Variants in SLC44A5 observed in about 807,000 individuals in gnomAD.
The protein encoded by SLC44A5 is choline transporter-like protein 5.
In SLC44A5, 57 loss-of-function variants were observed where a neutral mutation model predicts 101.8. The ratio of observed to expected loss-of-function variants is 0.56; its 90% CI spans 0.45 to 0.70. The LOEUF (loss-of-function observed/expected upper bound fraction) is 0.70, where lower values mean the gene tolerates loss of function less well. SLC44A5 is among the 30% of genes least tolerant of loss of function. The pLI is 0.00. For missense variants in SLC44A5, 737 were observed against 853.1 expected (o/e 0.86, Z 1.70); for synonymous variants, 281 against 290.9 (o/e 0.97, Z 0.35).
chr1:75,667,564 A>G, the SLC44A5 span, among the ~76,000 whole-genome samples: 1 of 152,204 alleles, frequency 6.6e-6, no homozygotes, highest in African/African-American at 2.4e-5. Flanking sequence ...TCTTCACAGA[A>G]TTGGAAAAAA....
chr1:75,503,117 T>C (rs1275658225), intron 2 of SLC44A5, among the ~76,000 whole-genome samples: 2 of 152,322 alleles, frequency 1.3e-5, no homozygotes, highest in South Asian at 2.1e-4. Flanking sequence ...TTTACAAAAA[T>C]ACACAGATAT....
the SLC44A5 span, among the ~76,000 whole-genome samples, chr1:75,620,693 T>G: frequency 9.2e-5 from 14 of 152,338 alleles, no homozygotes; most frequent in Middle Eastern, 6.8e-3. Context: ...TTTTTTCTTG[T>G]AGATTTATTT....
intron 3 of SLC44A5, among the ~76,000 whole-genome samples, chr1:75,346,811 A>G (rs2101054558): frequency 6.6e-6 from 1 of 152,274 alleles, no homozygotes; most frequent in African/African-American, 2.4e-5. Flanking sequence ...CATTGAAACA[A>G]TTCCTTATTT....
intron 2 of SLC44A5, among the ~76,000 whole-genome samples, chr1:75,503,455 T>G (rs1023578241): frequency 1.3e-5 from 2 of 152,126 alleles, no homozygotes; most frequent in African/African-American, 4.8e-5. Context: ...CCTGCAGCCA[T>G]GCGAAGACAT....
At chr1:75,504,924 G>A (rs557988134) in intron 2 of SLC44A5, among the ~76,000 whole-genome samples, 46 of 152,124 alleles carry the variant, frequency 3.0e-4, no homozygotes, top group African/African-American at 1.0e-3. Flanking sequence ...TCATGTTTGC[G>A]TTATGAATGA....
At chr1:75,544,890 G>C (rs1460700170) in intron 1 of SLC44A5, among the ~76,000 whole-genome samples, 1 of 152,026 alleles carries the variant, frequency 6.6e-6, no homozygotes, top group Non-Finnish European at 1.5e-5. Context: ...TATACCTTAA[G>C]TTCTGGGGTA....
intron 2 of SLC44A5, among the ~76,000 whole-genome samples, chr1:75,526,081 A>G (rs1318137878): frequency 6.6e-6 from 1 of 152,184 alleles, no homozygotes; most frequent in Non-Finnish European, 1.5e-5. Context: ...TGTAGGTTAC[A>G]TGGAAATGGT....
chr1:75,620,939 T>G, the SLC44A5 span, among the ~76,000 whole-genome samples: 6 of 152,142 alleles, frequency 3.9e-5, no homozygotes, highest in African/African-American at 1.4e-4. Flanking sequence ...ACTGCCTACA[T>G]TTTTTTCTAG....
intron 3 of SLC44A5, among the ~76,000 whole-genome samples, chr1:75,376,463 G>T (rs951806664): frequency 1.3e-5 from 2 of 152,148 alleles, no homozygotes; most frequent in Admixed American, 1.3e-4. Flanking sequence ...GAGAGCAGTG[G>T]TTCTCCCAGC....
intron 2 of SLC44A5, among the ~76,000 whole-genome samples, chr1:75,447,116 T>G (rs557368062): frequency 6.6e-6 from 1 of 152,308 alleles, no homozygotes; most frequent in South Asian, 2.1e-4. Context: ...ACGAAAGCTT[T>G]TGTTAATCAA....
At chr1:75,503,154 C>A (rs535149028) in intron 2 of SLC44A5, among the ~76,000 whole-genome samples, 1 of 152,184 alleles carries the variant, frequency 6.6e-6, no homozygotes, top group African/African-American at 2.4e-5. Context: ...TTTACCTCAA[C>A]TCTTTCTCAA....
intron 2 of SLC44A5, among the ~76,000 whole-genome samples, chr1:75,422,738 C>T (rs549723388): frequency 2.0e-5 from 3 of 152,222 alleles, no homozygotes; most frequent in Admixed American, 2.0e-4. Context: ...TTATCTGTTC[C>T]GTTTGCTGTC....
intron 1 of SLC44A5, among the ~76,000 whole-genome samples, chr1:75,596,324 G>T (rs1376086939): frequency 6.6e-6 from 1 of 151,882 alleles, no homozygotes; most frequent in Non-Finnish European, 1.5e-5. Flanking sequence ...CCAAAAAAAA[G>T]TTGAAGTTGC....
intron 6 of SLC44A5, among the ~76,000 whole-genome samples, chr1:75,273,225 A>G (rs1651636105): frequency 6.6e-6 from 1 of 152,070 alleles, no homozygotes; most frequent in African/African-American, 2.4e-5. Flanking sequence ...ATTTGTGTAC[A>G]TTGATTTTGT....
chr1:75,603,753 G>GTTTTTTTTTTTTTTTTTTTTTTTTTT (rs57844833), intron 1 of SLC44A5, among the ~76,000 whole-genome samples: 1 of 54,086 alleles, frequency 1.8e-5, no homozygotes, highest in Non-Finnish European at 3.1e-5. Context: ...ATTTTTTCAT[G>GTTTTTTTTTTTTTTTTTTTTTTTTTT]TTTTTTTTTT....
intron 1 of SLC44A5, among the ~76,000 whole-genome samples, chr1:75,577,184 G>T (rs1185571961): frequency 6.6e-6 from 1 of 152,158 alleles, no homozygotes; most frequent in Non-Finnish European, 1.5e-5. Flanking sequence ...CCTTGCTTGG[G>T]CTATTTCAAC....
rs1378215392 is a variant in SLC44A5 at position 75,380,780 on chromosome 1, C to G, written c.52+15803G>C. ...AGGGCCTCCACGGAGATGGTAACAC[C>G]AGTCACATGGATGGATAATCCTATA... On this transcript the variant is annotated intron_variant, in intron 3 of 23. Coordinates refer to ENST00000370859, the MANE Select transcript of SLC44A5 (RefSeq NM_001130058.2). Among the ~76,000 whole-genome samples the G allele has an allele frequency of 2.2e-4, 18 of 82,402 alleles. 6 individuals are homozygous for G. The highest frequency in any genetic ancestry group is 3.8e-4 in the Non-Finnish European group (18 of 47,862). The allele number at this position is 82,402 out of a possible 152,430, so 54.1% of individuals were successfully genotyped here. A position where few individuals can be genotyped will look rare whatever the true frequency, so the allele number is the denominator to read the frequency against.
At chr1:75,674,734 C>A in the SLC44A5 span, among the ~76,000 whole-genome samples, 1 of 152,082 alleles carries the variant, frequency 6.6e-6, no homozygotes. Flanking sequence ...AGAAAATAGC[C>A]TCAAAAGGGC....
the SLC44A5 span, chr1:75,677,786 G>A: frequency 1.6e-4 from 67 of 424,234 alleles, no homozygotes; most frequent in Middle Eastern, 3.5e-4. Context: ...GAACAGCTCC[G>A]GTCTACAGCT....
Sources: gnomAD v4.1 joint callset for allele counts (sites outside exome capture counted in the v4.1 genomes callset) on GRCh38, gnomAD v4.1.1 for gene constraint, MANE v1.5 for transcripts, NCBI Gene and HGNC (gene_info 2026-07-23, HGNC 2026-07-21) for gene names.